WNT16: variants seen among roughly 807,000 people sequenced by gnomAD.
WNT16 encodes the protein protein Wnt-16.
WNT16 carries 20 observed loss-of-function variants against 35.4 expected under a neutral mutation model. That is an observed-to-expected ratio of 0.56 (90% CI 0.40 to 0.82). The LOEUF is 0.82. Ranked by LOEUF, WNT16 falls within the 40% of genes least tolerant of loss-of-function variation. WNT16 has a pLI of 0.00. For missense variants in WNT16, 461 were observed against 466.0 expected (o/e 0.99, Z 0.10); for synonymous variants, 180 against 179.2 (o/e 1.00, Z -0.03).
Position 121,329,569 on chromosome 7 carries a change from G to A in WNT16, c.98G>A (p.Trp33Ter). The change falls in exon 2 of 4, where the codon TGG (tryptophan) becomes TAG (stop). Residue 33 changes from tryptophan to a stop codon, truncating the protein, a stop_gained and splice_region_variant. Coordinates refer to ENST00000222462, the MANE Select transcript of WNT16 (RefSeq NM_057168.2). LOFTEE classifies it high-confidence loss of function. Reference protein sequence around the residue: ...FPYGAQGNWMWLGIASFGVPE... With the variant: ...FPYGAQGNWM Reference sequence around the variant, plus strand: ...CTACGGGCGGCCGTGTCTTACAGGTGGTTGGGCATTGCCTCCTTCGGGGTT... The same window carrying A: ...CTACGGGCGGCCGTGTCTTACAGGTAGTTGGGCATTGCCTCCTTCGGGGTT... 6.2e-7 allele frequency: 1 copy of A among 1,614,176 alleles called. No homozygotes were observed. Among genetic ancestry groups the A allele is most frequent in the Non-Finnish European group, 8.5e-7 (1 of 1,179,970 alleles).
chr7:121,339,652 T>G lies in WNT16; in HGVS notation c.*307T>G. On this transcript the variant is annotated 3_prime_UTR_variant, in exon 4 of 4. Coordinates refer to ENST00000222462, the MANE Select transcript of WNT16 (RefSeq NM_057168.2). ...CCTAAGCAAGAAATAACAGGAAAGA[T>G]CCCTTATGCCAGGAGGCCTGCCATA... 1 of 453,692 alleles carries G rather than the reference T, an allele frequency of 2.2e-6. No individual in the cohort carries two copies. The highest frequency in any genetic ancestry group is 3.9e-6 in the Non-Finnish European group (1 of 257,648). 28.1% of individuals were successfully genotyped at this position (453,692 alleles called of 1,614,324 possible).
chr7:121,328,326 T>A (rs565393315), upstream of WNT16, among the ~76,000 whole-genome samples: 2 of 152,334 alleles, frequency 1.3e-5, no homozygotes, highest in Admixed American at 1.3e-4. Flanking sequence ...CCCCATCTTC[T>A]GCAGGGGACT....
chr7:121,329,512 G>C (rs1793302146), intron 1 of WNT16, 55 bp from the exon 2 acceptor site: 1 of 1,601,826 alleles, frequency 6.2e-7, no homozygotes, highest in Admixed American at 1.7e-5. Flanking sequence ...TAATTTTTCG[G>C]AAAACATCTG....
upstream of WNT16, among the ~76,000 whole-genome samples, chr7:121,326,101 C>A (rs1487062533): frequency 2.1e-5 from 3 of 142,528 alleles, no homozygotes; most frequent in East Asian, 4.0e-4. Flanking sequence ...TTTTGAGTAA[C>A]CTCGAGCAAG....
At chr7:121,332,794 T>C (rs1005126357) in intron 3 of WNT16, among the ~76,000 whole-genome samples, 3 of 152,110 alleles carry the variant, frequency 2.0e-5, no homozygotes, top group Non-Finnish European at 4.4e-5. Flanking sequence ...TATAGATATT[T>C]TAAAATATCA....
chr7:121,338,128 T>A (rs758401610), intron 3 of WNT16, among the ~76,000 whole-genome samples: 1 of 152,194 alleles, frequency 6.6e-6, no homozygotes, highest in Non-Finnish European at 1.5e-5. Flanking sequence ...CCTTTGTATG[T>A]GACTGACTTT....
At chr7:121,335,494 G>T (rs1793428509) in intron 3 of WNT16, among the ~76,000 whole-genome samples, 2 of 151,994 alleles carry the variant, frequency 1.3e-5, no homozygotes, top group Non-Finnish European at 2.9e-5. Flanking sequence ...ACATTCCTCT[G>T]TTAATATCGT....
chr7:121,338,834 A>G (rs1793480003), intron 3 of WNT16, 47 bp from the exon 4 acceptor site: 3 of 1,526,254 alleles, frequency 2.0e-6, no homozygotes, highest in Non-Finnish European at 2.7e-6. Context: ...GTTGTTGAGT[A>G]AAACACTTTA....
At chr7:121,330,378 C>T (rs1405651192) in intron 2 of WNT16, among the ~76,000 whole-genome samples, 2 of 152,252 alleles carry the variant, frequency 1.3e-5, no homozygotes, top group Non-Finnish European at 2.9e-5. Flanking sequence ...TTGTGCGCTT[C>T]TCGTTTCTTT....
At chr7:121,335,416 T>C (rs181181020) in intron 3 of WNT16, among the ~76,000 whole-genome samples, 1 of 152,216 alleles carries the variant, frequency 6.6e-6, no homozygotes, top group Admixed American at 6.5e-5. Flanking sequence ...GCTACCCTCC[T>C]GATTGCTCTG....
chr7:121,332,145 A>G (rs1419760549), intron 3 of WNT16, among the ~76,000 whole-genome samples, 181 bp downstream of exon 3: 2 of 152,260 alleles, frequency 1.3e-5, no homozygotes, highest in African/African-American at 4.8e-5. Context: ...TCCTTTCTAA[A>G]TATGTATGCG....
rs1044975510 is a variant in WNT16, at chr7:121,340,852, T to TA, written c.*1508dup. On this transcript the variant is annotated 3_prime_UTR_variant, in exon 4 of 4. Coordinates refer to ENST00000222462, the MANE Select transcript of WNT16 (RefSeq NM_057168.2). Reference sequence around the variant, plus strand: ...AAGGATGTATTTTAATGTAAATGCTTATGTTTTTTATGAATTGTTAAATAT... The same window carrying TA: ...AAGGATGTATTTTAATGTAAATGCTTAATGTTTTTTATGAATTGTTAAATAT... The TA allele has an allele frequency of 2.6e-5, 4 of 152,146 alleles. No individual in the cohort carries two copies. The highest frequency in any genetic ancestry group is 7.2e-5 in the African/African-American group (3 of 41,430). 9.4% of individuals were successfully genotyped at this position (152,146 alleles called of 1,614,324 possible). A position where few individuals can be genotyped will look rare whatever the true frequency, so the allele number is the denominator to read the frequency against.
At position 121,340,497 on chromosome 7, in the gene WNT16, TTA is replaced by T. The variant is rs922331846; in HGVS notation, c.*1156_*1157del. On this transcript the variant is annotated 3_prime_UTR_variant, in exon 4 of 4. Transcript: ENST00000222462. The stretch of plus-strand genomic sequence containing the variant: ...TGTATTTCTTGCTAAAATGACAGTT[TTA>T]TATGTTATAGATTAAAATATGTTGC... The T allele has an allele frequency of 6.6e-6, 1 of 152,048 alleles. No homozygotes were observed. The highest frequency in any genetic ancestry group is 2.4e-5 in the African/African-American group (1 of 41,428). The allele number at this position is 152,048 out of a possible 1,614,324, so 9.4% of individuals were successfully genotyped here. A position where few individuals can be genotyped will look rare whatever the true frequency, so the allele number is the denominator to read the frequency against.
At position 121,339,306 on chromosome 7, in the gene WNT16, G is replaced by A; in HGVS notation, c.1059G>A (p.Arg353=). The A allele has an allele frequency of 2.5e-6, 4 of 1,613,818 alleles. No individual in the cohort carries two copies. Among genetic ancestry groups the A allele is most frequent in the Non-Finnish European group, 1.7e-6 (2 of 1,179,970 alleles). ...KFIWCCYVRC[R]RCESMTDVHT... The stretch of plus-strand genomic sequence containing the variant: ...TCTGGTGCTGCTATGTCCGTTGCAG[G>A]AGGTGTGAAAGCATGACTGATGTCC... Residue 353 remains arginine (R), a synonymous_variant, in exon 4 of 4, where the codon AGG becomes AGA. Coordinates refer to ENST00000222462, the MANE Select transcript of WNT16 (RefSeq NM_057168.2).
At position 121,329,694 on chromosome 7, in the gene WNT16, C is replaced by T. The variant is rs761181088; in HGVS notation, c.223C>T (p.Arg75Trp). 6 of 1,613,744 alleles carry T rather than the reference C, an allele frequency of 3.7e-6. No individual in the cohort carries two copies. The highest frequency in any genetic ancestry group is 2.2e-5 in the East Asian group (1 of 44,864). Residue 75 changes from arginine to tryptophan, a missense_variant, in exon 2 of 4, where the codon CGG becomes TGG. Transcript: ENST00000222462. ...GCTGCCGAGCATCCGAGAGGGCGCC[C>T]GGCTGGGCATTCAGGAGTGCGGGAG... ...YLLPSIREGA[R>W]LGIQECGSQF...
intron 3 of WNT16, among the ~76,000 whole-genome samples, chr7:121,332,600 G>A (rs1441647338): frequency 6.6e-6 from 1 of 152,010 alleles, no homozygotes. Flanking sequence ...TCCTAAACAT[G>A]TTGTCAGTTT....
At position 121,341,051 on chromosome 7, in the gene WNT16, A is replaced by T. The variant is rs1163206417; in HGVS notation, c.*1706A>T. The stretch of plus-strand genomic sequence containing the variant: ...ACAATTTTTGAAAAAGAGCAAACCC[A>T]TGGAAAATGTCTCAGATCTAATATT... On this transcript the variant is annotated 3_prime_UTR_variant, in exon 4 of 4. Transcript: ENST00000222462. 6.6e-5 allele frequency: 10 copies of T among 152,312 alleles called. No individual in the cohort carries two copies. In the East Asian group the frequency reaches 1.5e-3, roughly 24 times the overall value. 9.4% of individuals were successfully genotyped at this position (152,312 alleles called of 1,614,324 possible). A position where few individuals can be genotyped will look rare whatever the true frequency, so the allele number is the denominator to read the frequency against.
chr7:121,332,016 C>G, intron 3 of WNT16, 52 bp downstream of exon 3: 1 of 1,588,512 alleles, frequency 6.3e-7, no homozygotes, highest in Non-Finnish European at 8.6e-7. Context: ...AGGTAAATAA[C>G]TAGGATTACA....
At chr7:121,327,195 G>A (rs953572231), upstream of WNT16, among the ~76,000 whole-genome samples, 3 of 151,966 alleles carry the variant, frequency 2.0e-5, no homozygotes, top group South Asian at 2.1e-4. Flanking sequence ...TTGACTCCTC[G>A]ACTCTTTAAA....
Sources: gnomAD v4.1 joint callset for allele counts (sites outside exome capture counted in the v4.1 genomes callset) on GRCh38, gnomAD v4.1.1 for gene constraint, MANE v1.5 for transcripts, NCBI Gene and HGNC (gene_info 2026-07-23, HGNC 2026-07-21) for gene names.